Variants in MACF1 observed in about 807,000 individuals in gnomAD.
The protein encoded by MACF1 is microtubule-actin cross-linking factor 1.
A neutral mutation model predicts 854.8 loss-of-function variants in MACF1; 193 were observed. The observed-to-expected ratio is 0.23, with a 90% CI of 0.20 to 0.25. MACF1 has a LOEUF of 0.25. Ranked by LOEUF, MACF1 falls within the 10% of genes least tolerant of loss-of-function variation. The pLI is 1.00. For synonymous variants in MACF1, 3,185 were observed against 3,226.7 expected, an observed-to-expected ratio of 0.99 and a Z score of 0.44; for missense variants, 7,722 against 8,929.1, an observed-to-expected ratio of 0.86 and a Z score of 5.45.
At chr1:39,199,755 G>A (rs1644366379), upstream of MACF1, among the ~76,000 whole-genome samples, 1 of 152,156 alleles carries the variant, frequency 6.6e-6, no homozygotes, top group African/African-American at 2.4e-5. Flanking sequence ...ACAGCAAGGG[G>A]TGTGTCATAG....
At chr1:39,477,074 TATATATATATATATATAC>T (rs200546298) in intron 97 of MACF1, among the ~76,000 whole-genome samples, 3,392 of 24,750 alleles carry the variant, frequency 0.14, 374 homozygotes, top group East Asian at 0.49. Context: ...TATATATATA[TATATATATATATATATAC>T]ACACACACAC....
chr1:39,322,429 T>C (rs1281400013), intron 31 of MACF1, among the ~76,000 whole-genome samples, 179 bp from the exon 32 acceptor site: 1 of 152,232 alleles, frequency 6.6e-6, no homozygotes, highest in South Asian at 2.1e-4. Flanking sequence ...CTTTCACTTA[T>C]AATGAGAGAG....
chr1:39,317,089 T>G, intron 28 of MACF1, 125 bp from the exon 29 acceptor site: 2 of 985,992 alleles, frequency 2.0e-6, no homozygotes, highest in Non-Finnish European at 3.0e-6. Context: ...GCACAAACAT[T>G]CCAGGGCACA....
chr1:39,294,614 T>A (rs761386461), intron 18 of MACF1, among the ~76,000 whole-genome samples: 1 of 152,222 alleles, frequency 6.6e-6, no homozygotes, highest in South Asian at 2.1e-4. Context: ...ACAGAAGAGC[T>A]ATTTAAATTG....
chr1:39,485,621 G>A lies in MACF1; in HGVS notation c.22495G>A (p.Ala7499Thr), dbSNP rs373899622. The A allele has an allele frequency of 2.5e-5, 40 of 1,614,010 alleles. No homozygotes were observed. The highest frequency in any genetic ancestry group is 7.7e-5 in the South Asian group (7 of 91,084). The change falls in exon 101 of 101, where the codon GCT becomes ACT. Residue 7499 changes from alanine to threonine, a missense_variant. This residue lies in a region of MACF1 where 185 missense variants were observed against 225.7 expected (regional missense o/e 0.82). Transcript: ENST00000564288. ...SRASSRRGSD[A>T]SDFDLLETQS... ...AGCCAGCAGCCGGCGAGGAAGTGAC[G>A]CTTCTGACTTTGACCTCTTAGAGAC...
At chr1:39,185,161 G>A (rs549757795) in intron 2 of MACF1, among the ~76,000 whole-genome samples, 1 of 152,042 alleles carries the variant, frequency 6.6e-6, no homozygotes, top group African/African-American at 2.4e-5. Flanking sequence ...GCGTGGTGGC[G>A]GGTGCCTGTA....
intron 2 of MACF1, among the ~76,000 whole-genome samples, chr1:39,151,872 A>G (rs1643586360): frequency 1.3e-5 from 2 of 152,110 alleles, no homozygotes; most frequent in Non-Finnish European, 2.9e-5. Flanking sequence ...TGAATAAAAA[A>G]CTGCTTGTTG....
chr1:39,147,265 CT>C (rs1236828416), intron 2 of MACF1, among the ~76,000 whole-genome samples: 1 of 149,646 alleles, frequency 6.7e-6, no homozygotes, highest in East Asian at 2.0e-4. Context: ...TCCTTCCTTC[CT>C]TCTCTTTTCT....
At chr1:39,463,941 G>A (rs1484517888) in intron 94 of MACF1, 7 of 353,652 alleles carry the variant, frequency 2.0e-5, no homozygotes, top group African/African-American at 1.4e-4. Context: ...CTTCACATCT[G>A]ACAAAGTTCC....
chr1:39,401,192 T>G (rs1432735869), intron 58 of MACF1, among the ~76,000 whole-genome samples: 2 of 152,234 alleles, frequency 1.3e-5, no homozygotes, highest in Non-Finnish European at 2.9e-5. Context: ...TGAGACCATT[T>G]TGGCCTTGGC....
intron 21 of MACF1, 49 bp downstream of exon 21, chr1:39,297,794 C>G (rs1336413137): frequency 6.2e-7 from 1 of 1,601,496 alleles, no homozygotes; most frequent in East Asian, 2.2e-5. Flanking sequence ...AGAGAGTAAA[C>G]CATATCAGCT....
chr1:39,212,874 C>CTTGG (rs1165664081), intron 1 of MACF1, among the ~76,000 whole-genome samples: 2 of 152,248 alleles, frequency 1.3e-5, no homozygotes, highest in Admixed American at 6.5e-5. Flanking sequence ...ATCTGCCCAC[C>CTTGG]TTGGCCTCCC....
rs1643297907 is a variant in MACF1 at position 39,416,102 on chromosome 1, G to A, written c.15817-6272G>A. Among the ~76,000 whole-genome samples, 4 of 152,246 alleles carry A rather than the reference G, an allele frequency of 2.6e-5. No homozygotes were observed. The South Asian group carries it at 8.3e-4, about 32-fold the overall frequency. ...GACAACAAAATCATTTTGATTGCAT[G>A]CCATAAACTCTTTGATTAAGAGGAT... On this transcript the variant is annotated intron_variant, in intron 58 of 100. Coordinates refer to ENST00000564288, the MANE Select transcript of MACF1 (RefSeq NM_001394062.1).
chr1:39,298,587 G>T, intron 21 of MACF1: 1 of 419,414 alleles, frequency 2.4e-6, no homozygotes, highest in Non-Finnish European at 4.7e-6. Context: ...ACCCAAAACA[G>T]TTCATTTTTT....
chr1:39,179,317 A>G (rs908407403), intron 2 of MACF1, among the ~76,000 whole-genome samples: 2 of 152,174 alleles, frequency 1.3e-5, no homozygotes, highest in African/African-American at 2.4e-5. Context: ...GCCCTTCTGC[A>G]TCTTCTGTTT....
In MACF1 at chr1:39,424,187, G is replaced by A. The variant is rs753752498; in HGVS notation, c.16309G>A (p.Ala5437Thr). ...ATGGACTGAACTACTCAGTAAGGCA[G>A]CAGCCAGGTAAGATCAAAGGAATTT... ...SRWTELLSKA[A>T]ARQKQLEDIL... is the part of the protein sequence containing the mutation. Residue 5437 changes from alanine (A) to threonine (T), a missense_variant, in exon 61 of 101, where the codon GCA (alanine) becomes ACA (threonine). By Grantham distance (58) the Ala-to-Thr change is moderately conservative. Transcript: ENST00000564288. The A allele has an allele frequency of 3.1e-6, 5 of 1,613,024 alleles. No individual in the cohort carries two copies. The highest frequency in any genetic ancestry group is 4.2e-6 in the Non-Finnish European group (5 of 1,179,484).
intron 36 of MACF1, among the ~76,000 whole-genome samples, chr1:39,330,765 G>A (rs1486925731): frequency 6.6e-6 from 1 of 151,494 alleles, no homozygotes; most frequent in African/African-American, 2.4e-5. Context: ...TCCCATGCTG[G>A]GTTTTCCTTG....
chr1:39,410,252 T>C (rs1642926896), intron 58 of MACF1: 1 of 1,548,802 alleles, frequency 6.5e-7, no homozygotes. Context: ...ATGGTTCATC[T>C]TGATTGAAAA....
At position 39,443,428 on chromosome 1, in the gene MACF1, A is replaced by G. The variant is rs368777559; in HGVS notation, c.19303-18A>G. 28 of 1,598,844 alleles carry G rather than the reference A, an allele frequency of 1.8e-5. No homozygotes were observed. Among genetic ancestry groups the G allele is most frequent in the African/African-American group, 5.4e-5 (4 of 73,882 alleles). On this transcript the variant is annotated intron_variant, in intron 78 of 100. Transcript: ENST00000564288. ...AGAAATGACTACTGACATGGTTGAT[A>G]TATCTTTTTCTCAAAAGGCCCAGGG...
Sources: gnomAD v4.1 joint callset for allele counts (sites outside exome capture counted in the v4.1 genomes callset) on GRCh38, gnomAD v4.1.1 for gene constraint, gnomAD v4.1.1 regional missense constraint, MANE v1.5 for transcripts, NCBI Gene and HGNC (gene_info 2026-07-23, HGNC 2026-07-21) for gene names.